TNFSF4: variants seen among roughly 807,000 people sequenced by gnomAD.
The protein encoded by TNFSF4 is tumor necrosis factor ligand superfamily member 4.
A neutral mutation model predicts 7.3 loss-of-function variants in TNFSF4; 4 were observed. That is an observed-to-expected ratio of 0.55 (90% CI 0.27 to 1.25). The LOEUF (loss-of-function observed/expected upper bound fraction) is 1.25. TNFSF4 is among the 50% of genes most tolerant of loss of function. TNFSF4 has a pLI of 0.12. For missense variants in TNFSF4, 181 were observed against 208.8 expected (o/e 0.87, Z 0.82); for synonymous variants, 76 against 83.7 (o/e 0.91, Z 0.50).
At chr1:173,348,490 C>T in the TNFSF4 span, among the ~76,000 whole-genome samples, 1 of 151,696 alleles carries the variant, frequency 6.6e-6, no homozygotes, top group South Asian at 2.1e-4. Context: ...TAATACAGTA[C>T]CCATCTCAAA....
At chr1:173,381,999 G>A in the TNFSF4 span, among the ~76,000 whole-genome samples, 6 of 152,000 alleles carry the variant, frequency 3.9e-5, no homozygotes, top group Non-Finnish European at 5.9e-5. Flanking sequence ...GTGAAATAAA[G>A]GAATAAAAGC....
the TNFSF4 span, among the ~76,000 whole-genome samples, chr1:173,397,520 T>C: frequency 6.6e-6 from 1 of 152,158 alleles, no homozygotes; most frequent in Non-Finnish European, 1.5e-5. Flanking sequence ...GAAAGTCAGG[T>C]GATCAGTGGA....
chr1:173,227,060 T>C, the TNFSF4 span, among the ~76,000 whole-genome samples: 1 of 151,946 alleles, frequency 6.6e-6, no homozygotes, highest in Non-Finnish European at 1.5e-5. Context: ...TCATGATACT[T>C]GAGAAAAATT....
the TNFSF4 span, among the ~76,000 whole-genome samples, chr1:173,447,822 T>G: frequency 2.5e-4 from 38 of 152,134 alleles, no homozygotes; most frequent in African/African-American, 8.4e-4. Context: ...AGCACACCAA[T>G]TAAAACATCG....
the TNFSF4 span, among the ~76,000 whole-genome samples, chr1:173,313,396 A>G: frequency 1.3e-5 from 2 of 152,140 alleles, no homozygotes; most frequent in South Asian, 2.1e-4. Flanking sequence ...GTTTTAAACT[A>G]TATGCATGCT....
intron 1 of TNFSF4, among the ~76,000 whole-genome samples, chr1:173,194,936 A>G (rs1461000165): frequency 6.6e-6 from 1 of 151,894 alleles, no homozygotes; most frequent in Non-Finnish European, 1.5e-5. Context: ...AGTACTTACA[A>G]TATGCTATGC....
At chr1:173,258,600 A>G in the TNFSF4 span, among the ~76,000 whole-genome samples, 2 of 152,196 alleles carry the variant, frequency 1.3e-5, no homozygotes, top group Admixed American at 1.3e-4. Flanking sequence ...GAAACTGCCT[A>G]AGATGACTGA....
At chr1:173,216,658 T>C in the TNFSF4 span, among the ~76,000 whole-genome samples, 4 of 152,162 alleles carry the variant, frequency 2.6e-5, no homozygotes, top group South Asian at 8.3e-4. Flanking sequence ...ATCTCCACAC[T>C]CATTACCACT....
At chr1:173,426,905 T>C in the TNFSF4 span, among the ~76,000 whole-genome samples, 1 of 152,108 alleles carries the variant, frequency 6.6e-6, no homozygotes, top group Admixed American at 6.6e-5. Context: ...CCATGGGTTC[T>C]TATAAGGGGG....
At chr1:173,407,421 G>A in the TNFSF4 span, among the ~76,000 whole-genome samples, 1 of 151,834 alleles carries the variant, frequency 6.6e-6, no homozygotes. Context: ...TTTGTCGGGT[G>A]TGGTCGCACA....
chr1:173,263,238 C>A, the TNFSF4 span, among the ~76,000 whole-genome samples: 2 of 152,210 alleles, frequency 1.3e-5, no homozygotes, highest in Admixed American at 6.5e-5. Flanking sequence ...ATGCTATTCC[C>A]ATTAAACTAC....
chr1:173,305,823 G>A, the TNFSF4 span, among the ~76,000 whole-genome samples: 1 of 151,738 alleles, frequency 6.6e-6, no homozygotes, highest in Admixed American at 6.6e-5. Flanking sequence ...TCACTATCAT[G>A]AGACTAGCAT....
chr1:173,404,718 A>T, the TNFSF4 span, among the ~76,000 whole-genome samples: 1 of 149,090 alleles, frequency 6.7e-6, no homozygotes, highest in Non-Finnish European at 1.5e-5. Flanking sequence ...TTCAACCTCT[A>T]CCTCCCAGGT....
At chr1:173,367,242 A>G in the TNFSF4 span, among the ~76,000 whole-genome samples, 3 of 151,878 alleles carry the variant, frequency 2.0e-5, no homozygotes, top group African/African-American at 4.8e-5. Flanking sequence ...AGCCCCATAC[A>G]CTCCATATCT....
intron 1 of TNFSF4, among the ~76,000 whole-genome samples, chr1:173,206,569 A>T (rs1650201589): frequency 6.6e-6 from 1 of 152,226 alleles, no homozygotes; most frequent in African/African-American, 2.4e-5. Context: ...TACCTTCAGC[A>T]TTCTTTACAA....
chr1:173,434,260 A>T, the TNFSF4 span, among the ~76,000 whole-genome samples: 1 of 152,220 alleles, frequency 6.6e-6, no homozygotes, highest in African/African-American at 2.4e-5. Context: ...CTTGTCTTGT[A>T]TCTAATTAGG....
the TNFSF4 span, among the ~76,000 whole-genome samples, chr1:173,407,679 CAGATATAAAACT>C: frequency 4.0e-4 from 58 of 145,480 alleles, no homozygotes; most frequent in South Asian, 0.013. Flanking sequence ...CTGTAATATA[CAGATATAAAACT>C]AGATGTAAAT....
the TNFSF4 span, among the ~76,000 whole-genome samples, chr1:173,272,413 A>C: frequency 6.6e-6 from 1 of 152,050 alleles, no homozygotes; most frequent in Non-Finnish European, 1.5e-5. Context: ...TAGCTGGAAA[A>C]AATTGCATGC....
chr1:173,239,060 T>C, the TNFSF4 span, among the ~76,000 whole-genome samples: 1 of 152,218 alleles, frequency 6.6e-6, no homozygotes, highest in Non-Finnish European at 1.5e-5. Flanking sequence ...TGGTGATTGC[T>C]ACCTCACTGA....
Sources: allele counts gnomAD v4.1 joint callset (sites outside exome capture counted in the v4.1 genomes callset), GRCh38; gene constraint gnomAD v4.1.1; transcripts MANE v1.5; gene names NCBI Gene and HGNC (gene_info 2026-07-23, HGNC 2026-07-21).